Variants in USP9X observed in about 807,000 individuals in gnomAD.
USP9X encodes the protein ubiquitin carboxyl-terminal hydrolase 9X.
In USP9X, 7 loss-of-function variants were observed where a neutral mutation model predicts 190.3. That is an observed-to-expected ratio of 0.04 (90% CI 0.02 to 0.07). The LOEUF is 0.07. USP9X is among the 10% of genes least tolerant of loss of function. USP9X has a pLI of 1.00. For synonymous variants in USP9X, 645 were observed against 659.5 expected (o/e 0.98, Z 0.34); for missense variants, 1,010 against 1,916.9 (o/e 0.53, Z 8.83).
intron 41 of USP9X, among the ~76,000 whole-genome samples, chrX:41,228,737 G>A (rs1235042274): frequency 1.8e-5 from 2 of 112,222 alleles, no homozygotes; most frequent in South Asian, 3.6e-4. Context: ...GTTAGTAAGA[G>A]CACAGACTCT....
chrX:41,120,697 G>A (rs1479192395), intron 1 of USP9X, among the ~76,000 whole-genome samples: 5 of 110,087 alleles, frequency 4.5e-5, no homozygotes, highest in African/African-American at 1.7e-4. Context: ...ACGGGGTTTC[G>A]CCATGTTAGC....
chrX:41,227,952 G>A (rs1314815568), intron 41 of USP9X, among the ~76,000 whole-genome samples: 3 of 111,828 alleles, frequency 2.7e-5, no homozygotes, highest in African/African-American at 9.8e-5. Flanking sequence ...CGCCCACCTC[G>A]GCCTCCCGAA....
At chrX:41,175,772 T>TACACACACACACACACACAC (rs769385399) in intron 21 of USP9X, among the ~76,000 whole-genome samples, 1 of 110,117 alleles carries the variant, frequency 9.1e-6, no homozygotes, top group South Asian at 3.8e-4. Context: ...ACTATATATA[T>TACACACACACACACACACAC]ACACACACAC....
chrX:41,198,561 A>G lies in USP9X; in HGVS notation c.4414A>G (p.Asn1472Asp), dbSNP rs760089474. 1 of 1,208,510 alleles carries G rather than the reference A, an allele frequency of 8.3e-7. No homozygotes were observed. Among genetic ancestry groups the G allele is most frequent in the South Asian group, 1.8e-5 (1 of 55,776 alleles). ...LIDDFIFPAS[N>D]VYLQYMRNGE... ...TGATGATTTCATATTTCCTGCATCCAATGTTTACCTACAGTATATGAGAAA... is the reference window on the plus strand; with the variant it reads ...TGATGATTTCATATTTCCTGCATCCGATGTTTACCTACAGTATATGAGAAA... The change falls in exon 30 of 45, where the codon AAT becomes GAT. Residue 1472 changes from asparagine (N) to aspartate (D), a missense_variant. Coordinates refer to ENST00000378308, the MANE Select transcript of USP9X (RefSeq NM_001039591.3).
intron 1 of USP9X, among the ~76,000 whole-genome samples, chrX:41,102,798 CT>C (rs60200874): frequency 1.4e-4 from 14 of 101,534 alleles, no homozygotes; most frequent in Admixed American, 3.2e-4. Context: ...TTGAGTTTAT[CT>C]TTTTTTTTTT....
Position 41,223,388 on chromosome X carries a change from A to T in USP9X, c.6737A>T (p.Gln2246Leu), listed in dbSNP as rs2063282255. 1 of 1,209,422 alleles carries T rather than the reference A, an allele frequency of 8.3e-7. No homozygotes were observed. Among genetic ancestry groups the T allele is most frequent in the African/African-American group, 1.7e-5 (1 of 57,286 alleles). ...TGTTGCAATGTCTCTTCAAGAATGC[A>T]GTCTTCAATCAATGGTAAATTTGAA... Reference protein sequence around the residue: ...IRCCNVSSRMQSSINGNPPLP... With the variant: ...IRCCNVSSRMLSSINGNPPLP... Residue 2246 changes from glutamine to leucine, a missense_variant, in exon 39 of 45, where the codon CAG (glutamine) becomes CTG (leucine). Gln to Leu is a moderately radical substitution (Grantham distance 113, BLOSUM62 -2). Coordinates refer to ENST00000378308, the MANE Select transcript of USP9X (RefSeq NM_001039591.3).
intron 1 of USP9X, among the ~76,000 whole-genome samples, chrX:41,094,817 T>A (rs1184651315): frequency 9.2e-6 from 1 of 108,921 alleles, no homozygotes; most frequent in Non-Finnish European, 1.9e-5. Flanking sequence ...GGCGGGCAGA[T>A]CACTTGAGGT....
At chrX:41,099,107 T>G (rs963130959) in intron 1 of USP9X, among the ~76,000 whole-genome samples, 1 of 89,056 alleles carries the variant, frequency 1.1e-5, no homozygotes, top group Non-Finnish European at 2.2e-5. Context: ...TTTTTTTTTT[T>G]TTTTTTTTTT....
chrX:41,142,484 CAT>C (rs1324202264), intron 9 of USP9X, among the ~76,000 whole-genome samples: 4 of 111,695 alleles, frequency 3.6e-5, no homozygotes, highest in African/African-American at 1.3e-4. Flanking sequence ...ATATTAAAAA[CAT>C]ATGTGTATAT....
intron 21 of USP9X, among the ~76,000 whole-genome samples, chrX:41,178,196 G>C (rs1418648766): frequency 1.0e-5 from 1 of 97,630 alleles, no homozygotes; most frequent in Non-Finnish European, 2.0e-5. Flanking sequence ...TGCCTCCTGG[G>C]TTCAGGTGAT....
At chrX:41,206,319 A>G (rs2147216443) in intron 32 of USP9X, among the ~76,000 whole-genome samples, 1 of 112,286 alleles carries the variant, frequency 8.9e-6, no homozygotes, top group Admixed American at 9.5e-5. Flanking sequence ...AAATTGCTTA[A>G]TATCAAATAT....
chrX:41,121,449 T>G, intron 1 of USP9X, among the ~76,000 whole-genome samples: 1 of 111,833 alleles, frequency 8.9e-6, no homozygotes, highest in Non-Finnish European at 1.9e-5. Flanking sequence ...GCAGAGCACT[T>G]CGAAACTTCC....
intron 21 of USP9X, among the ~76,000 whole-genome samples, chrX:41,178,481 T>TA (rs1260069980): frequency 1.1e-4 from 12 of 111,229 alleles, no homozygotes; most frequent in African/African-American, 3.9e-4. Context: ...AATGATTAGT[T>TA]ATGTTGAGTG....
intron 1 of USP9X, among the ~76,000 whole-genome samples, chrX:41,096,664 T>G (rs1326904156): frequency 4.5e-5 from 5 of 111,267 alleles, no homozygotes; most frequent in Admixed American, 9.6e-5. Flanking sequence ...GGTCTCAAAC[T>G]CCTGACCTCA....
intron 30 of USP9X, among the ~76,000 whole-genome samples, 192 bp from the exon 31 acceptor site, chrX:41,200,868 A>G (rs1409913762): frequency 8.9e-6 from 1 of 112,353 alleles, no homozygotes; most frequent in Admixed American, 9.4e-5. Context: ...GAAGCTGCAC[A>G]GTGGTGCCTG....
intron 38 of USP9X, among the ~76,000 whole-genome samples, chrX:41,221,668 A>T (rs2063265081): frequency 8.9e-6 from 1 of 111,741 alleles, no homozygotes. Flanking sequence ...ATGCAGTTCT[A>T]ATAGGCCTTG....
intron 1 of USP9X, among the ~76,000 whole-genome samples, chrX:41,117,225 A>G (rs2062154686): frequency 9.0e-6 from 1 of 111,607 alleles, no homozygotes; most frequent in African/African-American, 3.3e-5. Context: ...GGTCTTAGAG[A>G]AAGGTGTTTT....
At chrX:41,210,931 CTCTT>C (rs923357822) in intron 33 of USP9X, among the ~76,000 whole-genome samples, 2 of 110,666 alleles carry the variant, frequency 1.8e-5, no homozygotes, top group Admixed American at 9.6e-5. Context: ...CTCTTACAGT[CTCTT>C]TCTTCCTTTC....
At chrX:41,228,796 C>G (rs1374883295) in intron 41 of USP9X, among the ~76,000 whole-genome samples, 1 of 112,275 alleles carries the variant, frequency 8.9e-6, no homozygotes, top group African/African-American at 3.2e-5. Flanking sequence ...CTGTGTAACT[C>G]TGTGCCAATT....
Sources: gnomAD v4.1 joint callset for allele counts (sites outside exome capture counted in the v4.1 genomes callset) on GRCh38, gnomAD v4.1.1 for gene constraint, MANE v1.5 for transcripts, NCBI Gene and HGNC (gene_info 2026-07-23, HGNC 2026-07-21) for gene names.